Variants in SYNE2 observed in about 807,000 individuals in gnomAD.
SYNE2 encodes the protein spectrin repeat containing nuclear envelope protein 2, also known as nesprin-2.
A neutral mutation model predicts 856.3 loss-of-function variants in SYNE2; 431 were observed. The observed-to-expected ratio is 0.50, with a 90% CI of 0.47 to 0.55. The LOEUF (loss-of-function observed/expected upper bound fraction) is 0.55. Among genes scored for constraint, SYNE2 ranks in the 20% least tolerant of loss-of-function variants. SYNE2 has a pLI of 0.00. For synonymous variants in SYNE2, 2,923 were observed against 2,872.3 expected (o/e 1.02, Z -0.56); for missense variants, 8,129 against 8,023.2 (o/e 1.01, Z -0.50).
chr14:63,779,623 TA>T (rs1887238520), intron 1 of SYNE2, among the ~76,000 whole-genome samples: 1 of 151,908 alleles, frequency 6.6e-6, no homozygotes, highest in South Asian at 2.1e-4. Flanking sequence ...AATAAATAAA[TA>T]AAAGGAACCG....
At chr14:63,843,842 A>G (rs1890145202) in intron 1 of SYNE2, among the ~76,000 whole-genome samples, 1 of 152,200 alleles carries the variant, frequency 6.6e-6, no homozygotes, top group Non-Finnish European at 1.5e-5. Flanking sequence ...CCTGGGTCAT[A>G]AAGTATTTTT....
chr14:63,845,140 GCA>G (rs1432343389), intron 1 of SYNE2, among the ~76,000 whole-genome samples: 1 of 152,100 alleles, frequency 6.6e-6, no homozygotes, highest in South Asian at 2.1e-4. Flanking sequence ...GTATTTTTGA[GCA>G]CAGTGTCTCA....
At chr14:63,814,798 CCATAT>C (rs1888819432) in intron 1 of SYNE2, among the ~76,000 whole-genome samples, 3 of 81,694 alleles carry the variant, frequency 3.7e-5, no homozygotes, top group African/African-American at 1.4e-4. Flanking sequence ...CCATATATAT[CCATAT>C]ATATCCATAT....
At chr14:63,954,962 G>T (rs1285429784) in intron 8 of SYNE2, 47 bp downstream of exon 8, 1 of 1,491,834 alleles carries the variant, frequency 6.7e-7, no homozygotes. Context: ...GGCTTAGCAT[G>T]AAGTTGATTT....
At chr14:63,821,169 A>G (rs540159718) in intron 1 of SYNE2, among the ~76,000 whole-genome samples, 1 of 152,144 alleles carries the variant, frequency 6.6e-6, no homozygotes, top group Non-Finnish European at 1.5e-5. Flanking sequence ...TACCAGGTAA[A>G]CTCAGTAAAA....
chr14:64,168,812 G>T, intron 92 of SYNE2, 65 bp from the exon 93 acceptor site: 1 of 1,086,020 alleles, frequency 9.2e-7, no homozygotes, highest in Non-Finnish European at 1.4e-6. Context: ...AATAGGAAAT[G>T]TAGGTTCCGA....
intron 1 of SYNE2, among the ~76,000 whole-genome samples, chr14:63,806,505 G>A (rs1447527215): frequency 6.6e-6 from 1 of 152,096 alleles, no homozygotes; most frequent in African/African-American, 2.4e-5. Flanking sequence ...TTAGAGAGGA[G>A]TCCCTCCTCC....
Position 64,225,745 on chromosome 14 carries a change from T to C in SYNE2, c.*219T>C. The C allele has an allele frequency of 1.6e-6, 1 of 613,038 alleles. No individual in the cohort carries two copies. Among genetic ancestry groups the C allele is most frequent in the Non-Finnish European group, 2.9e-6 (1 of 343,026 alleles). The allele number at this position is 613,038 out of a possible 1,614,324, so 38.0% of individuals were successfully genotyped here. A position where few individuals can be genotyped will look rare whatever the true frequency, so the allele number is the denominator to read the frequency against. ...GAACCTGTGTGGCAGGTGCCCCGGG[T>C]ATTTTGGCAGAACTAGTTGATTAGT... On this transcript the variant is annotated 3_prime_UTR_variant, in exon 116 of 116. Transcript: ENST00000555002.
At chr14:63,998,810 G>A (rs888512062) in intron 26 of SYNE2, 104 bp from the exon 27 acceptor site, 5 of 1,316,424 alleles carry the variant, frequency 3.8e-6, no homozygotes, top group East Asian at 2.4e-5. Context: ...CAATCCACCC[G>A]CCTTGGCCTC....
Position 64,070,000 on chromosome 14 carries a change from A to C in SYNE2, c.10432-645A>C, listed in dbSNP as rs59964214. ...CAGGGGATTCGAGGGGAGGCGTAAG[A>C]ATGACCTGATTCAGGGGCCTTTGAG... On this transcript the variant is annotated intron_variant, in intron 51 of 115. Transcript: ENST00000555002. Among the ~76,000 whole-genome samples, 777 of 152,258 alleles carry C rather than the reference A, an allele frequency of 5.1e-3. 6 individuals carry two copies. Among genetic ancestry groups the C allele is most frequent in the African/African-American group, 0.018 (739 of 41,556 alleles).
At chr14:63,968,586 A>G (rs569015575) in intron 11 of SYNE2, among the ~76,000 whole-genome samples, 72 of 152,290 alleles carry the variant, frequency 4.7e-4, no homozygotes, top group African/African-American at 1.7e-3. Flanking sequence ...TTATTGAGAC[A>G]TGGTTTATGG....
intron 64 of SYNE2, among the ~76,000 whole-genome samples, chr14:64,103,368 T>G (rs553572229): frequency 0.017 from 2,575 of 151,942 alleles, 35 homozygotes; most frequent in Non-Finnish European, 0.024. Context: ...TTTTTTTTTT[T>G]TGTGGAACAA....
intron 52 of SYNE2, among the ~76,000 whole-genome samples, chr14:64,072,894 G>T (rs1461800236): frequency 6.6e-6 from 1 of 152,154 alleles, no homozygotes; most frequent in Non-Finnish European, 1.5e-5. Context: ...CAGAACTCAA[G>T]AAAACACTTT....
chr14:63,769,898 CA>C (rs1306298077), intron 1 of SYNE2, among the ~76,000 whole-genome samples: 4 of 150,020 alleles, frequency 2.7e-5, no homozygotes, highest in East Asian at 2.0e-4. Flanking sequence ...GATCCTGTCT[CA>C]AAAAAAAATT....
intron 61 of SYNE2, among the ~76,000 whole-genome samples, chr14:64,097,646 G>T (rs1052385031): frequency 1.3e-5 from 2 of 152,322 alleles, no homozygotes; most frequent in South Asian, 2.1e-4. Flanking sequence ...AACCCTGGCC[G>T]CACACCACAG....
chr14:63,857,335 T>G (rs991736381), intron 1 of SYNE2, among the ~76,000 whole-genome samples: 1 of 152,222 alleles, frequency 6.6e-6, no homozygotes, highest in Non-Finnish European at 1.5e-5. Flanking sequence ...TAAGTAATAC[T>G]CCATTGTACT....
intron 112 of SYNE2, among the ~76,000 whole-genome samples, chr14:64,222,864 G>A (rs985300897): frequency 6.6e-6 from 1 of 152,202 alleles, no homozygotes; most frequent in South Asian, 2.1e-4. Flanking sequence ...ATTGACTTTA[G>A]AGTTTCCCTT....
At chr14:64,202,755 A>T in intron 99 of SYNE2, 46 bp from the exon 100 acceptor site, 1 of 1,612,764 alleles carries the variant, frequency 6.2e-7, no homozygotes. Context: ...GTTTTCCATC[A>T]CTGGTTTTTT....
chr14:64,121,319 G>A (rs772206681), intron 68 of SYNE2, among the ~76,000 whole-genome samples: 6 of 152,024 alleles, frequency 3.9e-5, no homozygotes, highest in African/African-American at 9.7e-5. Context: ...TCAGGAGTTC[G>A]AAACCAGCCT....
Sources: gnomAD v4.1 joint callset for allele counts (sites outside exome capture counted in the v4.1 genomes callset) on GRCh38, gnomAD v4.1.1 for gene constraint, MANE v1.5 for transcripts, NCBI Gene and HGNC (gene_info 2026-07-23, HGNC 2026-07-21) for gene names.